The following TNRC18 variants were observed in gnomAD, a reference collection of about 807,000 sequenced individuals.
TNRC18 encodes the protein trinucleotide repeat-containing gene 18 protein.
In TNRC18, 69 loss-of-function variants were observed where a neutral mutation model predicts 226.7. The observed-to-expected ratio is 0.30, with a 90% CI of 0.25 to 0.37. TNRC18 has a LOEUF of 0.37. TNRC18 is among the 10% of genes least tolerant of loss of function. The probability of loss-of-function intolerance (pLI) is 1.00; values close to 1 mark genes in which losing one functional copy is unlikely to be tolerated. For synonymous variants in TNRC18, 2,449 were observed against 1,927.6 expected (o/e 1.27, Z -7.09); for missense variants, 4,754 against 4,256.6 (o/e 1.12, Z -3.25).
intron 17 of TNRC18, among the ~76,000 whole-genome samples, chr7:5,348,671 G>T (rs1349653921): frequency 6.6e-6 from 1 of 151,944 alleles, no homozygotes; most frequent in African/African-American, 2.4e-5. Flanking sequence ...AGGGAGGGAG[G>T]CAGGAGCCAG....
At chr7:5,344,269 C>T (rs908528347) in intron 18 of TNRC18, among the ~76,000 whole-genome samples, 4 of 152,176 alleles carry the variant, frequency 2.6e-5, no homozygotes, top group Non-Finnish European at 4.4e-5. Flanking sequence ...AGACAGGTAG[C>T]ACTGATCAGA....
chr7:5,342,448 A>G (rs1790781811), intron 18 of TNRC18, among the ~76,000 whole-genome samples: 1 of 152,094 alleles, frequency 6.6e-6, no homozygotes, highest in African/African-American at 2.4e-5. Flanking sequence ...AAAAAAGAAA[A>G]AAAGAAGTTG....
intron 21 of TNRC18, among the ~76,000 whole-genome samples, chr7:5,323,267 T>C (rs1788561313): frequency 6.6e-6 from 1 of 152,008 alleles, no homozygotes; most frequent in South Asian, 2.1e-4. Flanking sequence ...TGGGCGTGAC[T>C]TCCCGATTGA....
chr7:5,346,031 C>T (rs936349175), intron 17 of TNRC18, among the ~76,000 whole-genome samples: 13 of 152,224 alleles, frequency 8.5e-5, no homozygotes, highest in East Asian at 1.9e-4. Flanking sequence ...CCAGAAAGCC[C>T]GGAGGTGGGC....
At chr7:5,407,599 G>C (rs538152846) in intron 2 of TNRC18, among the ~76,000 whole-genome samples, 2 of 152,348 alleles carry the variant, frequency 1.3e-5, no homozygotes, top group African/African-American at 4.8e-5. Context: ...TATGGGCAGG[G>C]ACTTTGTCTT....
rs141855850 is a variant in TNRC18 at position 5,365,940 on chromosome 7, G to A, written c.4220-3115C>T. Among the ~76,000 whole-genome samples the A allele has an allele frequency of 2.8e-3, 428 of 152,206 alleles. 1 individual carries two copies. Among genetic ancestry groups the A allele is most frequent in the Non-Finnish European group, 4.3e-3 (295 of 68,008 alleles). Reference sequence around the variant, plus strand: ...CAAAAAACTAGCCGGGCCTGGTGGCGCATGCCTATAATGCCAGCTACTCAG... The same window carrying A: ...CAAAAAACTAGCCGGGCCTGGTGGCACATGCCTATAATGCCAGCTACTCAG... On this transcript the variant is annotated intron_variant, in intron 11 of 29. Coordinates refer to ENST00000430969, the MANE Select transcript of TNRC18 (RefSeq NM_001080495.3).
chr7:5,335,732 G>A (rs945355831), intron 18 of TNRC18, among the ~76,000 whole-genome samples: 1 of 150,040 alleles, frequency 6.7e-6, no homozygotes, highest in African/African-American at 2.5e-5. Flanking sequence ...CCAGGGCTCA[G>A]CAAAAAGTGA....
rs779671495 is a variant in TNRC18 at position 5,332,572 on chromosome 7, C to T, written c.6147+50G>A. On this transcript the variant is annotated intron_variant, in intron 19 of 29. Transcript: ENST00000430969. Reference sequence around the variant, plus strand: ...GGGAGGGGAGAGGGCCCCTCCCTCACGGAACCCCAGGGACCCTTCTGCGGC... The same window carrying T: ...GGGAGGGGAGAGGGCCCCTCCCTCATGGAACCCCAGGGACCCTTCTGCGGC... The T allele has an allele frequency of 3.5e-5, 52 of 1,476,410 alleles. No homozygotes were observed. In the African/African-American group the frequency reaches 4.3e-4, roughly 12 times the overall value. The allele number at this position is 1,476,410 out of a possible 1,614,324, so 91.5% of individuals were successfully genotyped here.
chr7:5,414,815 T>A (rs1320031669), intron 2 of TNRC18, among the ~76,000 whole-genome samples: 3 of 152,220 alleles, frequency 2.0e-5, no homozygotes, highest in African/African-American at 7.2e-5. Context: ...TACTATCAAC[T>A]AATCTACAGT....
intron 2 of TNRC18, among the ~76,000 whole-genome samples, chr7:5,401,751 T>C (rs114216276): frequency 0.01 from 1,557 of 152,322 alleles, 31 homozygotes; most frequent in African/African-American, 0.035. Context: ...GAGTTATTTT[T>C]TATTCCTAGT....
intron 5 of TNRC18, among the ~76,000 whole-genome samples, chr7:5,384,821 T>A (rs1414309745): frequency 6.6e-6 from 1 of 152,194 alleles, no homozygotes; most frequent in African/African-American, 2.4e-5. Context: ...AGCCCCAGGG[T>A]CAGAGTGTAG....
chr7:5,381,618 C>T (rs533784290), intron 5 of TNRC18, among the ~76,000 whole-genome samples: 2 of 152,050 alleles, frequency 1.3e-5, no homozygotes, highest in African/African-American at 4.8e-5. Context: ...GAGTGAGACC[C>T]TGTTTCCAAA....
chr7:5,356,142 C>A (rs1792342927), intron 16 of TNRC18, among the ~76,000 whole-genome samples: 1 of 143,620 alleles, frequency 7.0e-6, no homozygotes, highest in Admixed American at 7.3e-5. Context: ...CCAGCCTGGA[C>A]GACAGAGTGA....
At chr7:5,318,738 G>C (rs1312033352) in intron 24 of TNRC18, among the ~76,000 whole-genome samples, 1 of 152,082 alleles carries the variant, frequency 6.6e-6, no homozygotes, top group African/African-American at 2.4e-5. Context: ...TGGGAAGCAA[G>C]ATAAAAATAG....
intron 2 of TNRC18, among the ~76,000 whole-genome samples, chr7:5,409,769 G>A (rs931187851): frequency 2.1e-5 from 3 of 145,294 alleles, no homozygotes; most frequent in African/African-American, 5.1e-5. Flanking sequence ...GAGGTCAGGA[G>A]ATCGAGACCA....
At chr7:5,358,340 A>C (rs1264699457) in intron 15 of TNRC18, among the ~76,000 whole-genome samples, 1 of 152,152 alleles carries the variant, frequency 6.6e-6, no homozygotes, top group African/African-American at 2.4e-5. Context: ...TTTTATCTCT[A>C]TTTTCTTTAA....
chr7:5,375,397 T>C (rs1412573718), intron 9 of TNRC18, among the ~76,000 whole-genome samples: 1 of 152,186 alleles, frequency 6.6e-6, no homozygotes, highest in East Asian at 1.9e-4. Flanking sequence ...AACAGTCACA[T>C]TTAGCAACCC....
intron 16 of TNRC18, 42 bp downstream of exon 16, chr7:5,356,874 G>A: frequency 6.7e-7 from 1 of 1,485,290 alleles, no homozygotes; most frequent in Non-Finnish European, 9.0e-7. Flanking sequence ...GAGAAAAGGA[G>A]AGAAGCAGCG....
At chr7:5,361,796 A>C (rs1177654350) in intron 13 of TNRC18, 74 bp from the exon 14 acceptor site, 5 of 1,531,170 alleles carry the variant, frequency 3.3e-6, no homozygotes, top group African/African-American at 1.4e-5. Context: ...CACGATGCAC[A>C]CACGGCGCCG....
Sources: allele counts gnomAD v4.1 joint callset (sites outside exome capture counted in the v4.1 genomes callset), GRCh38; gene constraint gnomAD v4.1.1; transcripts MANE v1.5; gene names NCBI Gene and HGNC (gene_info 2026-07-23, HGNC 2026-07-21).